The following NCK2 variants were observed in gnomAD, a reference collection of about 807,000 sequenced individuals.
The protein encoded by NCK2 is NCK adaptor protein 2.
NCK2 carries 16 observed loss-of-function variants against 33.9 expected under a neutral mutation model. The observed-to-expected ratio is 0.47, with a 90% confidence interval of 0.32 to 0.72. NCK2 has a LOEUF of 0.72. NCK2 is among the 30% of genes least tolerant of loss of function. The pLI, the probability that NCK2 is intolerant of heterozygous loss-of-function variation, is 0.03. For missense variants in NCK2, 418 were observed against 537.3 expected (o/e 0.78, Z 2.19); for synonymous variants, 273 against 239.9 (o/e 1.14, Z -1.27).
chr2:105,892,739 G>A lies in NCK2; in HGVS notation c.949-243G>A, dbSNP rs551082549. Among the ~76,000 whole-genome samples, 132 of 152,108 alleles carry A rather than the reference G, an allele frequency of 8.7e-4. 1 individual carries two copies. The highest frequency in any genetic ancestry group is 3.1e-3 in the African/African-American group (130 of 41,490). The stretch of plus-strand genomic sequence containing the variant: ...CAGGTTCCTGTAATCCCAGGTACTC[G>A]GGAGGCCGAGACAGGAGAATCGCTT... On this transcript the variant is annotated intron_variant, in intron 4 of 4. Transcript: ENST00000233154.
intron 1 of NCK2, among the ~76,000 whole-genome samples, chr2:105,749,948 T>G (rs1689400358): frequency 6.6e-6 from 1 of 151,862 alleles, no homozygotes; most frequent in Non-Finnish European, 1.5e-5. Context: ...GCGAATTGCT[T>G]GAACCCAGGA....
In NCK2 at chr2:105,769,839, C is replaced by T. The variant is rs1030750738; in HGVS notation, c.-201+24701C>T. Among the ~76,000 whole-genome samples, 39 of 152,176 alleles carry T rather than the reference C, an allele frequency of 2.6e-4. 1 individual carries two copies. Among genetic ancestry groups the T allele is most frequent in the Admixed American group, 1.3e-3 (20 of 15,272 alleles). ...GAGAAAAACTCAGATTTTAATCCCT[C>T]GGAGTAATCTTTGGCCTCTCCTCCT... On this transcript the variant is annotated intron_variant, in intron 1 of 4. Transcript: ENST00000233154.
chr2:105,843,395 GAAAA>G (rs5833154), intron 2 of NCK2, among the ~76,000 whole-genome samples: 1 of 131,928 alleles, frequency 7.6e-6, no homozygotes, highest in East Asian at 2.1e-4. Flanking sequence ...GGTCCCATAA[GAAAA>G]AAAAAAAAAA....
chr2:105,841,039 A>G (rs2104550008), intron 2 of NCK2, among the ~76,000 whole-genome samples: 1 of 152,278 alleles, frequency 6.6e-6, no homozygotes, highest in East Asian at 1.9e-4. Flanking sequence ...CTCCACACTG[A>G]TAGTGTGGAT....
intron 2 of NCK2, among the ~76,000 whole-genome samples, chr2:105,826,935 G>A (rs1321748693): frequency 3.3e-5 from 5 of 152,142 alleles, no homozygotes; most frequent in Non-Finnish European, 7.4e-5. Context: ...ACTTTTAAAA[G>A]TAGAGAGTTA....
chr2:105,750,219 G>A (rs977816275), intron 1 of NCK2, among the ~76,000 whole-genome samples: 1 of 152,112 alleles, frequency 6.6e-6, no homozygotes, highest in African/African-American at 2.4e-5. Flanking sequence ...CACTCACGTA[G>A]CCTTCCTTCT....
intron 1 of NCK2, among the ~76,000 whole-genome samples, chr2:105,801,816 G>A (rs188594429): frequency 5.9e-5 from 9 of 152,196 alleles, no homozygotes; most frequent in Non-Finnish European, 1.0e-4. Flanking sequence ...AAAGCACATG[G>A]GACTTTACAG....
intron 1 of NCK2, among the ~76,000 whole-genome samples, chr2:105,758,823 C>G (rs1029163546): frequency 6.6e-6 from 1 of 152,202 alleles, no homozygotes; most frequent in Non-Finnish European, 1.5e-5. Context: ...TAAGTTGTTA[C>G]AAAACTATTT....
rs1306556692 is a variant in NCK2, at chr2:105,881,394, A to G, written c.293A>G (p.Glu98Gly). The stretch of plus-strand genomic sequence containing the variant: ...TCCCCCACGCCCAGCACGGACGCCG[A>G]GTACCCCGCCAATGGCAGCGGCGCC... ...DASPTPSTDA[E>G]YPANGSGADR... The change falls in exon 4 of 5, where the codon GAG (glutamate) becomes GGG (glycine). Residue 98 changes from glutamate to glycine, a missense_variant. By Grantham distance (98) the Glu-to-Gly change is moderately conservative. Coordinates refer to ENST00000233154, the MANE Select transcript of NCK2 (RefSeq NM_003581.5). The G allele has an allele frequency of 6.2e-7, 1 of 1,611,748 alleles. No homozygotes were observed. Among genetic ancestry groups the G allele is most frequent in the East Asian group, 2.2e-5 (1 of 44,878 alleles).
At chr2:105,802,414 A>G (rs1019788351) in intron 1 of NCK2, among the ~76,000 whole-genome samples, 17 of 152,188 alleles carry the variant, frequency 1.1e-4, no homozygotes, top group Non-Finnish European at 2.1e-4. Context: ...AGGCTGGGTC[A>G]TTTATAAAGA....
At chr2:105,798,766 G>C (rs781103255) in intron 1 of NCK2, among the ~76,000 whole-genome samples, 2 of 152,200 alleles carry the variant, frequency 1.3e-5, no homozygotes, top group Non-Finnish European at 2.9e-5. Flanking sequence ...AGCAGTAGCT[G>C]TGGTTCTTCA....
chr2:105,785,388 G>A (rs1690641497), intron 1 of NCK2, among the ~76,000 whole-genome samples: 2 of 152,222 alleles, frequency 1.3e-5, no homozygotes, highest in African/African-American at 2.4e-5. Context: ...AGCTTCCTGA[G>A]ATGTCTGTGG....
At chr2:105,791,251 C>G (rs1690871425) in intron 1 of NCK2, among the ~76,000 whole-genome samples, 1 of 152,196 alleles carries the variant, frequency 6.6e-6, no homozygotes, top group South Asian at 2.1e-4. Context: ...GTTGATTCAT[C>G]TAGAGAAACC....
In NCK2 at chr2:105,862,555, G is replaced by A. The variant is rs976427121; in HGVS notation, c.226+7266G>A. Among the ~76,000 whole-genome samples the A allele has an allele frequency of 4.6e-5, 7 of 152,158 alleles. No homozygotes were observed. In the East Asian group the frequency reaches 5.8e-4, roughly 13 times the overall value. On this transcript the variant is annotated intron_variant, in intron 3 of 4. Transcript: ENST00000233154. The stretch of plus-strand genomic sequence containing the variant: ...GATTTAGTGGTAGGCCGCTTTGTAC[G>A]TTTGGGGGGACTCTGTCCCAGAGTC...
chr2:105,761,204 G>T (rs543897348), intron 1 of NCK2, among the ~76,000 whole-genome samples: 1 of 152,302 alleles, frequency 6.6e-6, no homozygotes, highest in South Asian at 2.1e-4. Context: ...GGGAGGTTTG[G>T]GTGTGTATGG....
At chr2:105,796,886 T>C (rs1264119464) in intron 1 of NCK2, among the ~76,000 whole-genome samples, 1 of 152,196 alleles carries the variant, frequency 6.6e-6, no homozygotes, top group Non-Finnish European at 1.5e-5. Flanking sequence ...GTCTGCCCTC[T>C]CAGGAGTTGT....
intron 2 of NCK2, among the ~76,000 whole-genome samples, chr2:105,837,108 C>T (rs1228962674): frequency 6.6e-6 from 1 of 152,210 alleles, no homozygotes; most frequent in Non-Finnish European, 1.5e-5. Context: ...CCATCCTGAG[C>T]TTCTGTCCCT....
chr2:105,792,429 G>C (rs1449270552), intron 1 of NCK2, among the ~76,000 whole-genome samples: 1 of 152,128 alleles, frequency 6.6e-6, no homozygotes, highest in Non-Finnish European at 1.5e-5. Flanking sequence ...ATCAATTCCT[G>C]TCCTGTAAAT....
At chr2:105,770,790 A>G (rs1690110216) in intron 1 of NCK2, among the ~76,000 whole-genome samples, 1 of 148,280 alleles carries the variant, frequency 6.7e-6, no homozygotes, top group African/African-American at 2.5e-5. Flanking sequence ...CTACCCCTTT[A>G]AAGTATTTCA....
Sources: allele counts gnomAD v4.1 joint callset (sites outside exome capture counted in the v4.1 genomes callset), GRCh38; gene constraint gnomAD v4.1.1; transcripts MANE v1.5; gene names NCBI Gene and HGNC (gene_info 2026-07-23, HGNC 2026-07-21).